Variants in TBC1D4 observed in about 807,000 individuals in gnomAD.
TBC1D4 encodes the protein TBC (Tre-2, BUB2, CDC16) domain-containing protein.
In TBC1D4, 121 loss-of-function variants were observed where a neutral mutation model predicts 142.5. The ratio of observed to expected loss-of-function variants is 0.85; its 90% CI spans 0.73 to 0.99. The LOEUF (loss-of-function observed/expected upper bound fraction) is 0.99, where lower values mean the gene tolerates loss of function less well. Among genes scored for constraint, TBC1D4 ranks in the 50% least tolerant of loss-of-function variants. The probability of loss-of-function intolerance (pLI) is 0.00; values close to 1 mark genes in which losing one functional copy is unlikely to be tolerated. For synonymous variants in TBC1D4, 630 were observed against 628.2 expected, an observed-to-expected ratio of 1.00 and a Z score of -0.04; for missense variants, 1,475 against 1,606.6, an observed-to-expected ratio of 0.92 and a Z score of 1.40.
At chr13:75,342,513 CT>C (rs1322204842) in intron 5 of TBC1D4, among the ~76,000 whole-genome samples, 1 of 152,062 alleles carries the variant, frequency 6.6e-6, no homozygotes, top group Non-Finnish European at 1.5e-5. Flanking sequence ...ATTTAGTGAA[CT>C]TTCAATGTTA....
At chr13:75,465,818 A>T (rs1480862883) in intron 1 of TBC1D4, among the ~76,000 whole-genome samples, 1 of 152,016 alleles carries the variant, frequency 6.6e-6, no homozygotes, top group Non-Finnish European at 1.5e-5. Context: ...GCATGATACA[A>T]CCTCGGTCTC....
At chr13:75,471,342 A>G (rs1888391582) in intron 1 of TBC1D4, among the ~76,000 whole-genome samples, 1 of 152,250 alleles carries the variant, frequency 6.6e-6, no homozygotes, top group Non-Finnish European at 1.5e-5. Context: ...TAATGTGACC[A>G]GTGGAAAGGT....
At chr13:75,363,639 G>A (rs897721483) in intron 1 of TBC1D4, among the ~76,000 whole-genome samples, 1 of 151,006 alleles carries the variant, frequency 6.6e-6, no homozygotes, top group Admixed American at 6.6e-5. Flanking sequence ...ATGTCTGCCT[G>A]AAGTGTATAA....
intron 1 of TBC1D4, among the ~76,000 whole-genome samples, chr13:75,405,395 G>A (rs1303950214): frequency 1.3e-5 from 2 of 149,900 alleles, no homozygotes; most frequent in Admixed American, 6.7e-5. Flanking sequence ...TCAGCCTCCC[G>A]AGTAGCTGGG....
rs528332936 is a variant in TBC1D4 at position 75,296,934 on chromosome 13, A to T, written c.3157-1921T>A. 1.6e-4 allele frequency among the ~76,000 whole-genome samples: 25 copies of T among 152,336 alleles called. No individual in the cohort carries two copies. In the East Asian group the frequency reaches 2.7e-3, roughly 16 times the overall value. The stretch of plus-strand genomic sequence containing the variant: ...GGAGCACCCAAGCCACCAAGAGAGA[A>T]GCAAGAAATCAGAAATCCTGTGGAG... On this transcript the variant is annotated intron_variant, in intron 17 of 20. Transcript: ENST00000377636.
At chr13:75,326,884 C>T (rs1342038103) in intron 9 of TBC1D4, among the ~76,000 whole-genome samples, 2 of 152,186 alleles carry the variant, frequency 1.3e-5, no homozygotes, top group African/African-American at 4.8e-5. Flanking sequence ...GCTTCCTGTA[C>T]TGCCAAAACA....
intron 3 of TBC1D4, among the ~76,000 whole-genome samples, chr13:75,358,089 A>C (rs1007993935): frequency 2.0e-5 from 3 of 151,740 alleles, no homozygotes; most frequent in Admixed American, 2.0e-4. Context: ...ACAGCTTTTG[A>C]GGATGCCCCC....
At chr13:75,461,101 T>C (rs1308064112) in intron 1 of TBC1D4, among the ~76,000 whole-genome samples, 2 of 152,214 alleles carry the variant, frequency 1.3e-5, no homozygotes, top group African/African-American at 4.8e-5. Flanking sequence ...CATTATCATC[T>C]TCCATACCAT....
rs996601737 is a variant in TBC1D4, at chr13:75,386,582, G to T, written c.499-23975C>A. Among the ~76,000 whole-genome samples the T allele has an allele frequency of 2.6e-5, 4 of 151,744 alleles. No homozygotes were observed. The South Asian group carries it at 8.3e-4, about 32-fold the overall frequency. ...TTTTTGTATTTTTAATAGAGACAGGGTTTCACCACATTAGCCAGGATGGTC... is the reference window on the plus strand; with the variant it reads ...TTTTTGTATTTTTAATAGAGACAGGTTTTCACCACATTAGCCAGGATGGTC... On this transcript the variant is annotated intron_variant, in intron 1 of 20. Transcript: ENST00000377636.
intron 1 of TBC1D4, among the ~76,000 whole-genome samples, chr13:75,442,186 G>C (rs1048355545): frequency 1.3e-5 from 2 of 152,152 alleles, no homozygotes; most frequent in African/African-American, 4.8e-5. Context: ...GTGGTATTTA[G>C]TTAGTTTCTG....
chr13:75,379,241 A>T (rs888761028), intron 1 of TBC1D4, among the ~76,000 whole-genome samples: 1 of 151,942 alleles, frequency 6.6e-6, no homozygotes, highest in Non-Finnish European at 1.5e-5. Context: ...CACAAACGTG[A>T]ATTTTTATAC....
At chr13:75,434,366 G>A (rs1032502573) in intron 1 of TBC1D4, among the ~76,000 whole-genome samples, 7 of 152,162 alleles carry the variant, frequency 4.6e-5, no homozygotes, top group African/African-American at 1.7e-4. Flanking sequence ...CAGAACATGG[G>A]TGGTGCTGGA....
intron 1 of TBC1D4, among the ~76,000 whole-genome samples, chr13:75,413,351 A>C (rs1405408081): frequency 6.6e-6 from 1 of 152,126 alleles, no homozygotes; most frequent in Non-Finnish European, 1.5e-5. Context: ...TAGTAAAGAC[A>C]GGGTTTCACC....
At chr13:75,311,375 G>A (rs1030623715) in intron 13 of TBC1D4, among the ~76,000 whole-genome samples, 2 of 152,152 alleles carry the variant, frequency 1.3e-5, no homozygotes, top group African/African-American at 4.8e-5. Context: ...ACCTCGGGCA[G>A]AGTTAACTTC....
At chr13:75,401,119 A>C (rs1885069515) in intron 1 of TBC1D4, among the ~76,000 whole-genome samples, 1 of 152,198 alleles carries the variant, frequency 6.6e-6, no homozygotes, top group Admixed American at 6.5e-5. Context: ...TGGTATCAAA[A>C]TGCTTTCAAA....
rs11292930 is a variant in TBC1D4, at chr13:75,292,724, T to TA, written c.3317-454dup. ...TTAAATCTATACCACACCAGGAAAT[T>TA]AAAAAAAAAAAAACATTAACAGAAA... On this transcript the variant is annotated intron_variant, in intron 18 of 20. Coordinates refer to ENST00000377636, the MANE Select transcript of TBC1D4 (RefSeq NM_014832.5). Among the ~76,000 whole-genome samples the TA allele has an allele frequency of 8.7e-3, 1,225 of 141,254 alleles. 23 individuals are homozygous for TA. Among genetic ancestry groups the TA allele is most frequent in the Admixed American group, 0.036 (505 of 14,152 alleles). 92.7% of individuals were successfully genotyped at this position (141,254 alleles called of 152,430 possible). A position where few individuals can be genotyped will look rare whatever the true frequency, so the allele number is the denominator to read the frequency against.
chr13:75,300,293 AG>A (rs1876395147), intron 16 of TBC1D4, among the ~76,000 whole-genome samples: 2 of 152,154 alleles, frequency 1.3e-5, no homozygotes, highest in Admixed American at 1.3e-4. Flanking sequence ...GAGACACTTG[AG>A]CTGGCAATGT....
At position 75,327,760 on chromosome 13, in the gene TBC1D4, A is replaced by G; in HGVS notation, c.1798T>C (p.Ser600Pro). The G allele has an allele frequency of 6.2e-7, 1 of 1,614,044 alleles. No individual in the cohort carries two copies. Among genetic ancestry groups the G allele is most frequent in the Non-Finnish European group, 8.5e-7 (1 of 1,179,916 alleles). Residue 600 changes from serine (S) to proline (P), a missense_variant, in exon 9 of 21, where the codon TCA becomes CCA. Coordinates refer to ENST00000377636, the MANE Select transcript of TBC1D4 (RefSeq NM_014832.5). ...DSFERSNSLA[S>P]EKDYSPGDSP... ...AAGCTCTAGTTAGATACCTTCTCTG[A>G]AGCAAGACTGTTGGACCGTTCAAAA...
chr13:75,433,057 C>G (rs1886655764), intron 1 of TBC1D4, among the ~76,000 whole-genome samples: 2 of 152,142 alleles, frequency 1.3e-5, no homozygotes, highest in South Asian at 4.1e-4. Flanking sequence ...TACAAAAGAG[C>G]CTACCCTACT....
Sources: gnomAD v4.1 joint callset for allele counts (sites outside exome capture counted in the v4.1 genomes callset) on GRCh38, gnomAD v4.1.1 for gene constraint, MANE v1.5 for transcripts, NCBI Gene and HGNC (gene_info 2026-07-23, HGNC 2026-07-21) for gene names.